Variants in NAA15 observed in about 807,000 individuals in gnomAD.
The protein encoded by NAA15 is N-alpha-acetyltransferase 15, NatA auxiliary subunit.
NAA15 carries 34 observed loss-of-function variants against 114.0 expected under a neutral mutation model. That is an observed-to-expected ratio of 0.30 (90% CI 0.23 to 0.40). The LOEUF (loss-of-function observed/expected upper bound fraction) is 0.40, where lower values mean the gene tolerates loss of function less well. Ranked by LOEUF, NAA15 falls within the 10% of genes least tolerant of loss-of-function variation. The pLI, the probability that NAA15 is intolerant of heterozygous loss-of-function variation, is 1.00. For missense variants in NAA15, 658 were observed against 1,004.5 expected, an observed-to-expected ratio of 0.66 and a Z score of 4.66; for synonymous variants, 340 against 338.0, an observed-to-expected ratio of 1.01 and a Z score of -0.06.
At chr4:139,320,965 C>G (rs1274223707) in intron 1 of NAA15, among the ~76,000 whole-genome samples, 3 of 152,170 alleles carry the variant, frequency 2.0e-5, no homozygotes, top group Non-Finnish European at 4.4e-5. Context: ...TCTTTTTATC[C>G]TCTGGCTAGA....
intron 2 of NAA15, 81 bp from the exon 3 acceptor site, chr4:139,336,767 T>G: frequency 1.6e-5 from 12 of 735,338 alleles, no homozygotes; most frequent in Non-Finnish European, 2.2e-5. Flanking sequence ...CATTTGTTTT[T>G]GAGATTATGG....
intron 1 of NAA15, among the ~76,000 whole-genome samples, chr4:139,316,390 A>G (rs1052196226): frequency 2.6e-5 from 4 of 151,658 alleles, no homozygotes; most frequent in Non-Finnish European, 5.9e-5. Flanking sequence ...TCTTTAGATC[A>G]TATCTGTTCT....
chr4:139,382,378 C>G (rs559168620), intron 17 of NAA15, among the ~76,000 whole-genome samples: 1 of 151,956 alleles, frequency 6.6e-6, no homozygotes, highest in East Asian at 1.9e-4. Flanking sequence ...TTTTTTTTAG[C>G]AGTTTTAATT....
At chr4:139,368,632 C>G (rs1471565628) in intron 14 of NAA15, among the ~76,000 whole-genome samples, 1 of 152,112 alleles carries the variant, frequency 6.6e-6, no homozygotes, top group Non-Finnish European at 1.5e-5. Flanking sequence ...CCATTTATGT[C>G]CTAATATTAA....
intron 11 of NAA15, among the ~76,000 whole-genome samples, chr4:139,358,190 TG>T (rs1375374197): frequency 5.5e-4 from 74 of 134,036 alleles, no homozygotes; most frequent in Non-Finnish European, 7.9e-4. Context: ...TTTTTGTTTT[TG>T]TTTTTTTTTT....
chr4:139,307,151 A>G (rs1746048639), intron 1 of NAA15, among the ~76,000 whole-genome samples: 1 of 152,230 alleles, frequency 6.6e-6, no homozygotes, highest in Admixed American at 6.5e-5. Flanking sequence ...GAAATCTACC[A>G]TTTGCCAGGC....
At chr4:139,333,395 G>C (rs1029730192) in intron 1 of NAA15, among the ~76,000 whole-genome samples, 5 of 151,654 alleles carry the variant, frequency 3.3e-5, no homozygotes, top group Non-Finnish European at 5.9e-5. Context: ...TTTTTTATGT[G>C]ACTTGTTTTT....
At chr4:139,314,399 A>G (rs67332629) in intron 1 of NAA15, among the ~76,000 whole-genome samples, 40,794 of 151,762 alleles carry the variant, frequency 0.27, 6,118 homozygotes, top group African/African-American at 0.36. Context: ...CATGAAATTT[A>G]AAATGTTAAA....
chr4:139,313,756 C>CT lies in NAA15; in HGVS notation c.54+11926dup, dbSNP rs1190954422. Reference sequence around the variant, plus strand: ...ACAGGGTTTCTCCATTGGCTGGCCTCTAACTCCTGACCTCAGGTGATCTGC... The same window carrying CT: ...ACAGGGTTTCTCCATTGGCTGGCCTCTTAACTCCTGACCTCAGGTGATCTGC... On this transcript the variant is annotated intron_variant, in intron 1 of 19. Transcript: ENST00000296543. Among the ~76,000 whole-genome samples the CT allele has an allele frequency of 7.2e-5, 11 of 151,872 alleles. No individual in the cohort carries two copies. In the East Asian group the frequency reaches 2.1e-3, roughly 30 times the overall value.
chr4:139,335,644 T>G (rs557458595), intron 2 of NAA15, among the ~76,000 whole-genome samples: 1 of 151,672 alleles, frequency 6.6e-6, no homozygotes, highest in East Asian at 2.0e-4. Context: ...GGAATTACAG[T>G]GAGCCACTGC....
Position 139,357,122 on chromosome 4 carries a change from A to G in NAA15, c.1088-264A>G, listed in dbSNP as rs1747982016. ...CCCTACCTGTTTCAGTTTTCTTTCT[A>G]GGTAGTTAGACCTTATTTATCTCCC... On this transcript the variant is annotated intron_variant, in intron 10 of 19. Coordinates refer to ENST00000296543, the MANE Select transcript of NAA15 (RefSeq NM_057175.5). Among the ~76,000 whole-genome samples the G allele has an allele frequency of 2.6e-5, 4 of 152,094 alleles. No individual in the cohort carries two copies. The South Asian group carries it at 8.3e-4, about 32-fold the overall frequency.
intron 1 of NAA15, among the ~76,000 whole-genome samples, chr4:139,304,064 C>T (rs941677766): frequency 6.6e-6 from 1 of 152,146 alleles, no homozygotes; most frequent in Non-Finnish European, 1.5e-5. Context: ...ACTACAGGTG[C>T]CCGCCACCAC....
At chr4:139,355,121 C>T (rs186831350) in intron 10 of NAA15, among the ~76,000 whole-genome samples, 140 of 152,172 alleles carry the variant, frequency 9.2e-4, no homozygotes, top group South Asian at 2.7e-3. Context: ...TCAAGTGATC[C>T]GCCTGCTTCG....
chr4:139,334,164 G>A lies in NAA15; in HGVS notation c.55-10G>A. The A allele has an allele frequency of 6.4e-7, 1 of 1,556,664 alleles. No homozygotes were observed. The highest frequency in any genetic ancestry group is 8.7e-7 in the Non-Finnish European group (1 of 1,152,440). On this transcript the variant is annotated splice_polypyrimidine_tract_variant and intron_variant, in intron 1 of 19. Transcript: ENST00000296543. ...TGCTAAACTTAAATTTTTCTTTTTT[G>A]TTTTGACAGAGGTGTTATGAACATA...
chr4:139,366,169 C>A (rs1748277236), intron 14 of NAA15, among the ~76,000 whole-genome samples: 1 of 151,834 alleles, frequency 6.6e-6, no homozygotes, highest in Admixed American at 6.6e-5. Context: ...TAAAATAACC[C>A]TTTTTTTGGG....
chr4:139,379,879 A>C (rs1319787046), intron 17 of NAA15, among the ~76,000 whole-genome samples: 1 of 152,054 alleles, frequency 6.6e-6, no homozygotes, highest in East Asian at 1.9e-4. Flanking sequence ...CCCCGTCTCT[A>C]CCAAAAAATA....
chr4:139,305,839 GT>G, intron 1 of NAA15, among the ~76,000 whole-genome samples: 1 of 152,178 alleles, frequency 6.6e-6, no homozygotes. Context: ...TGGCTGCTTG[GT>G]AACTTGTTAA....
intron 15 of NAA15, among the ~76,000 whole-genome samples, chr4:139,370,875 A>G (rs753520896): frequency 1.8e-4 from 27 of 152,228 alleles, no homozygotes; most frequent in Non-Finnish European, 3.1e-4. Flanking sequence ...TAAACTGAGG[A>G]CTATACGTGT....
chr4:139,308,005 A>G (rs937534690), intron 1 of NAA15, among the ~76,000 whole-genome samples: 4 of 152,102 alleles, frequency 2.6e-5, no homozygotes, highest in African/African-American at 7.2e-5. Context: ...ACTGTTGCCC[A>G]GGCTGGAGTG....
Sources: gnomAD v4.1 joint callset for allele counts (sites outside exome capture counted in the v4.1 genomes callset) on GRCh38, gnomAD v4.1.1 for gene constraint, MANE v1.5 for transcripts, NCBI Gene and HGNC (gene_info 2026-07-23, HGNC 2026-07-21) for gene names.